Variants in EIF4G3 observed in about 807,000 individuals in gnomAD.
EIF4G3 encodes eukaryotic translation initiation factor 4 gamma 3.
A neutral mutation model predicts 186.4 loss-of-function variants in EIF4G3; 34 were observed. The ratio of observed to expected loss-of-function variants is 0.18; its 90% CI spans 0.14 to 0.24. The LOEUF (loss-of-function observed/expected upper bound fraction) is 0.24, where lower values mean the gene tolerates loss of function less well. Ranked by LOEUF, EIF4G3 falls within the 10% of genes least tolerant of loss-of-function variation. The pLI is 1.00. For missense variants in EIF4G3, 1,536 were observed against 1,948.5 expected, an observed-to-expected ratio of 0.79 and a Z score of 3.99; for synonymous variants, 673 against 679.5, an observed-to-expected ratio of 0.99 and a Z score of 0.15.
intron 3 of EIF4G3, among the ~76,000 whole-genome samples, chr1:21,069,485 C>T (rs1053225415): frequency 6.6e-6 from 1 of 152,164 alleles, no homozygotes; most frequent in Non-Finnish European, 1.5e-5. Flanking sequence ...TCTCACATTA[C>T]CAGGCACAAA....
At chr1:20,979,097 T>C (rs910709701) in intron 10 of EIF4G3, among the ~76,000 whole-genome samples, 1 of 152,216 alleles carries the variant, frequency 6.6e-6, no homozygotes, top group Admixed American at 6.5e-5. Context: ...AAACTTAATT[T>C]TTCTAGTATC....
At chr1:21,013,157 G>T (rs2087719678) in intron 4 of EIF4G3, among the ~76,000 whole-genome samples, 1 of 152,124 alleles carries the variant, frequency 6.6e-6, no homozygotes, top group Non-Finnish European at 1.5e-5. Context: ...AGGGATCACA[G>T]TGTGAAAGAA....
intron 4 of EIF4G3, among the ~76,000 whole-genome samples, chr1:21,034,638 G>A (rs2093025768): frequency 1.3e-5 from 2 of 152,222 alleles, no homozygotes; most frequent in Admixed American, 6.5e-5. Context: ...TGCAGTGATG[G>A]ACCATACAAA....
At chr1:21,049,290 A>G (rs1389476529) in intron 4 of EIF4G3, among the ~76,000 whole-genome samples, 1 of 152,188 alleles carries the variant, frequency 6.6e-6, no homozygotes, top group African/African-American at 2.4e-5. Context: ...CCCTACAGAG[A>G]AAGGCTCCCT....
At chr1:20,981,295 C>A in intron 8 of EIF4G3, 68 bp from the exon 9 acceptor site, 1 of 1,015,726 alleles carries the variant, frequency 9.8e-7, no homozygotes, top group South Asian at 2.4e-5. Flanking sequence ...ATTTTACTGT[C>A]TCCTTTTCTT....
At chr1:21,054,283 A>G (rs2094456229) in intron 3 of EIF4G3, among the ~76,000 whole-genome samples, 3 of 148,694 alleles carry the variant, frequency 2.0e-5, no homozygotes, top group Admixed American at 1.4e-4. Context: ...ATGCCCGTTA[A>G]GAGTCATCAC....
At chr1:21,078,845 T>C (rs1018833934) in intron 3 of EIF4G3, among the ~76,000 whole-genome samples, 3 of 151,946 alleles carry the variant, frequency 2.0e-5, no homozygotes, top group Non-Finnish European at 4.4e-5. Flanking sequence ...ATTCGCCGGG[T>C]ATAGTGGCGT....
At chr1:21,122,622 A>G (rs1055917139) in intron 2 of EIF4G3, among the ~76,000 whole-genome samples, 2 of 152,194 alleles carry the variant, frequency 1.3e-5, no homozygotes, top group Non-Finnish European at 2.9e-5. Context: ...CTGATACAGA[A>G]CAGGTCAAAC....
chr1:20,985,736 T>C (rs1484164854), intron 7 of EIF4G3, among the ~76,000 whole-genome samples: 2 of 152,180 alleles, frequency 1.3e-5, no homozygotes, highest in African/African-American at 4.8e-5. Context: ...GAACAATCAT[T>C]AAGAGTCAAA....
chr1:20,812,320 C>G (rs1322237849), intron 35 of EIF4G3, among the ~76,000 whole-genome samples: 1 of 152,114 alleles, frequency 6.6e-6, no homozygotes, highest in African/African-American at 2.4e-5. Context: ...ACATGAAAGT[C>G]TTATGATGGT....
At chr1:20,924,533 AT>A (rs2154560338) in intron 14 of EIF4G3, among the ~76,000 whole-genome samples, 1 of 152,332 alleles carries the variant, frequency 6.6e-6, no homozygotes, top group South Asian at 2.1e-4. Flanking sequence ...TGTTTCACAT[AT>A]ATCAGATAAA....
intron 3 of EIF4G3, among the ~76,000 whole-genome samples, chr1:21,083,087 G>C (rs1170491808): frequency 1.6e-5 from 2 of 126,326 alleles, no homozygotes; most frequent in South Asian, 2.8e-4. Context: ...TAAAAAATTA[G>C]CTGGGCACGG....
chr1:21,096,400 T>G (rs982283051), intron 2 of EIF4G3, among the ~76,000 whole-genome samples: 4 of 152,142 alleles, frequency 2.6e-5, no homozygotes, highest in African/African-American at 9.7e-5. Context: ...AGGGGGATGA[T>G]GAGAAATTAC....
intron 29 of EIF4G3, among the ~76,000 whole-genome samples, chr1:20,845,253 G>C (rs74492190): frequency 6.6e-6 from 1 of 152,210 alleles, no homozygotes; most frequent in African/African-American, 2.4e-5. Context: ...GTTTGTTGAA[G>C]ATAAGATAAT....
intron 4 of EIF4G3, among the ~76,000 whole-genome samples, chr1:21,022,911 A>G (rs538259193): frequency 7.0e-4 from 106 of 152,300 alleles, no homozygotes; most frequent in Non-Finnish European, 1.3e-3. Context: ...ATGTTCTTTT[A>G]CTATGAATAA....
chr1:21,002,881 T>C (rs914357700), intron 4 of EIF4G3, 73 bp from the exon 5 acceptor site: 24 of 885,890 alleles, frequency 2.7e-5, no homozygotes, highest in Non-Finnish European at 4.1e-5. Context: ...CAAGATGTTT[T>C]ATAAAAGTTT....
Position 20,980,413 on chromosome 1 carries a change from G to C in EIF4G3, c.414C>G (p.Pro138=), listed in dbSNP as rs145973079. 1,602 of 1,545,418 alleles carry C rather than the reference G, an allele frequency of 1.0e-3. 1 individual carries two copies. Among genetic ancestry groups the C allele is most frequent in the Non-Finnish European group, 1.3e-3 (1,468 of 1,157,200 alleles). Residue 138 remains proline (P), a synonymous_variant, in exon 10 of 37, where the codon CCC becomes CCG. Coordinates refer to ENST00000602326, the MANE Select transcript of EIF4G3 (RefSeq NM_001391906.1). ...CCGGTGGTTGAACTGGATATTGTTGGGGGGGCCCAACATAAGGAGGGCCAC... is the reference window on the plus strand; with the variant it reads ...CCGGTGGTTGAACTGGATATTGTTGCGGGGGCCCAACATAAGGAGGGCCAC... ...RHSGPPYVGP[P]QQYPVQPPGP...
chr1:21,043,487 G>T (rs1217589421), intron 4 of EIF4G3, among the ~76,000 whole-genome samples: 4 of 152,122 alleles, frequency 2.6e-5, no homozygotes, highest in Non-Finnish European at 5.9e-5. Flanking sequence ...AATGTCAAAA[G>T]AAAATAAATG....
chr1:21,149,275 A>T (rs933753903), intron 2 of EIF4G3, among the ~76,000 whole-genome samples: 1 of 152,200 alleles, frequency 6.6e-6, no homozygotes, highest in Non-Finnish European at 1.5e-5. Context: ...TATATAAACA[A>T]AAAATTCCTT....
Sources: gnomAD v4.1 joint callset for allele counts (sites outside exome capture counted in the v4.1 genomes callset) on GRCh38, gnomAD v4.1.1 for gene constraint, MANE v1.5 for transcripts, NCBI Gene and HGNC (gene_info 2026-07-23, HGNC 2026-07-21) for gene names.